Variants in UBE3D observed in about 807,000 individuals in gnomAD.
UBE3D encodes E3 ubiquitin-protein ligase E3D.
UBE3D carries 48 observed loss-of-function variants against 49.6 expected under a neutral mutation model. The observed-to-expected ratio is 0.97, with a 90% CI of 0.77 to 1.23. The LOEUF (loss-of-function observed/expected upper bound fraction) is 1.23, where lower values mean the gene tolerates loss of function less well. UBE3D is among the 50% of genes most tolerant of loss of function. UBE3D has a pLI of 0.00. For missense variants in UBE3D, 452 were observed against 468.4 expected (o/e 0.96, Z 0.32); for synonymous variants, 189 against 174.2 (o/e 1.08, Z -0.67).
At chr6:82,890,587 T>A (rs191311821), downstream of UBE3D, among the ~76,000 whole-genome samples, 34 of 152,322 alleles carry the variant, frequency 2.2e-4, no homozygotes, top group Admixed American at 1.8e-3. Flanking sequence ...GTGTGTTGCA[T>A]GACCTCCTCT....
At chr6:83,030,146 C>T (rs1391691876) in intron 5 of UBE3D, among the ~76,000 whole-genome samples, 1 of 152,138 alleles carries the variant, frequency 6.6e-6, no homozygotes, top group Non-Finnish European at 1.5e-5. Context: ...GCCCTTCTAT[C>T]ACCCTTTGTG....
chr6:82,970,622 G>A (rs1331520303), intron 8 of UBE3D, among the ~76,000 whole-genome samples: 1 of 152,040 alleles, frequency 6.6e-6, no homozygotes, highest in Non-Finnish European at 1.5e-5. Context: ...GGCAGATCAC[G>A]AGGTCAGGAG....
Position 82,914,072 on chromosome 6 carries a change from G to A in UBE3D, c.1150-21030C>T, listed in dbSNP as rs190149880. ...TACATGACTTGCTGAAGGCAATCCA[G>A]CTACTAGCTGCAGAGCTAAAACCAG... is the stretch of plus-strand genomic sequence containing the variant. On this transcript the variant is annotated intron_variant, in intron 9 of 9. Coordinates refer to ENST00000369747, the MANE Select transcript of UBE3D (RefSeq NM_198920.3). 1.8e-3 allele frequency among the ~76,000 whole-genome samples: 272 copies of A among 152,328 alleles called. 2 individuals are homozygous for A. The highest frequency in any genetic ancestry group is 6.8e-3 in the Middle Eastern group (2 of 294).
chr6:83,031,545 A>G lies in UBE3D; in HGVS notation c.667+6871T>C, dbSNP rs1351922445. On this transcript the variant is annotated intron_variant, in intron 5 of 9. Coordinates refer to ENST00000369747, the MANE Select transcript of UBE3D (RefSeq NM_198920.3). ...GTGAGACATGAAGTCAAAGGAGATC[A>G]TTTTGGAGCTTTAAGATTTGACTGC... Among the ~76,000 whole-genome samples, 24 of 152,176 alleles carry G rather than the reference A, an allele frequency of 1.6e-4. 1 individual carries two copies. The highest frequency in any genetic ancestry group is 3.5e-4 in the Non-Finnish European group (24 of 68,010).
At chr6:82,950,204 G>C (rs995703083) in intron 9 of UBE3D, among the ~76,000 whole-genome samples, 1 of 152,130 alleles carries the variant, frequency 6.6e-6, no homozygotes, top group East Asian at 1.9e-4. Flanking sequence ...ATGGGCAAAA[G>C]ATATGAGTAG....
intron 9 of UBE3D, among the ~76,000 whole-genome samples, chr6:82,894,280 C>A (rs1447438831): frequency 2.0e-5 from 3 of 152,096 alleles, no homozygotes; most frequent in Non-Finnish European, 4.4e-5. Flanking sequence ...AACCACCTGA[C>A]TTTCTTATCA....
chr6:82,934,697 G>GA, intron 9 of UBE3D, among the ~76,000 whole-genome samples: 1 of 150,904 alleles, frequency 6.6e-6, no homozygotes, highest in South Asian at 2.1e-4. Flanking sequence ...AGCACTTTCA[G>GA]AAAAAAATAA....
At chr6:83,036,919 A>G (rs182941483) in intron 5 of UBE3D, 2 of 152,196 alleles carry the variant, frequency 1.3e-5, no homozygotes, top group East Asian at 3.9e-4. Context: ...TTTGTTGAAC[A>G]ACGACATAAC....
chr6:82,997,668 G>A (rs991989185), intron 8 of UBE3D, among the ~76,000 whole-genome samples: 2 of 152,176 alleles, frequency 1.3e-5, no homozygotes, highest in Admixed American at 6.6e-5. Context: ...GCAGTGAGCC[G>A]AGATGGTGCC....
At chr6:83,025,884 A>AG in intron 5 of UBE3D, among the ~76,000 whole-genome samples, 2 of 14,802 alleles carry the variant, frequency 1.4e-4, no homozygotes, top group Non-Finnish European at 3.3e-4. Flanking sequence ...CTCCATCTTA[A>AG]AAAAAAAAAA....
At chr6:83,059,542 CTG>C (rs1377863223) in intron 1 of UBE3D, among the ~76,000 whole-genome samples, 1 of 152,250 alleles carries the variant, frequency 6.6e-6, no homozygotes, top group Non-Finnish European at 1.5e-5. Flanking sequence ...TCAAACTAGA[CTG>C]TGTAGAGTTG....
At chr6:82,902,610 G>A (rs1204555453) in intron 9 of UBE3D, among the ~76,000 whole-genome samples, 1 of 152,192 alleles carries the variant, frequency 6.6e-6, no homozygotes, top group Non-Finnish European at 1.5e-5. Flanking sequence ...CAGGGGTTAA[G>A]GATGTTGGAG....
chr6:82,940,880 T>C (rs1307232522), intron 9 of UBE3D, among the ~76,000 whole-genome samples: 1 of 152,208 alleles, frequency 6.6e-6, no homozygotes, highest in Non-Finnish European at 1.5e-5. Context: ...TATATTTGTG[T>C]GTGCGTGTAT....
At chr6:82,955,209 T>C (rs1776078557) in intron 9 of UBE3D, among the ~76,000 whole-genome samples, 1 of 152,056 alleles carries the variant, frequency 6.6e-6, no homozygotes, top group Non-Finnish European at 1.5e-5. Context: ...AGGGAAGAAA[T>C]ATAGATTGGT....
intron 8 of UBE3D, among the ~76,000 whole-genome samples, chr6:82,985,529 A>G (rs1031933217): frequency 1.3e-5 from 2 of 151,950 alleles, no homozygotes; most frequent in African/African-American, 4.8e-5. Flanking sequence ...TACCTGGCTA[A>G]TTTTATGTAA....
At chr6:82,941,884 A>G (rs1329217941) in intron 9 of UBE3D, among the ~76,000 whole-genome samples, 1 of 152,188 alleles carries the variant, frequency 6.6e-6, no homozygotes, top group Non-Finnish European at 1.5e-5. Context: ...AGTTAATTAA[A>G]TCTCTTTATA....
intron 4 of UBE3D, among the ~76,000 whole-genome samples, chr6:83,043,723 G>A (rs1244768294): frequency 6.6e-6 from 1 of 152,192 alleles, no homozygotes; most frequent in East Asian, 1.9e-4. Context: ...CTCTGGGAAT[G>A]ATTTTACTTT....
rs759881450 is a variant in UBE3D at position 83,038,426 on chromosome 6, G to A, written c.657C>T (p.Thr219=). 2.1e-5 allele frequency: 34 copies of A among 1,610,832 alleles called. No individual in the cohort carries two copies. In the Admixed American group the frequency reaches 2.9e-4, roughly 14 times the overall value. ...TTATGAAATTCTTACCTGATGACAC[G>A]GTCTCTCCCAACATTACCTTGCAAC... is the stretch of plus-strand genomic sequence containing the variant. The part of the protein sequence containing the change: ...CKRCKVMLGE[T]VSSETTKFYM... The change falls in exon 5 of 10, where the codon ACC becomes ACT. Residue 219 remains threonine (T), a synonymous_variant. Coordinates refer to ENST00000369747, the MANE Select transcript of UBE3D (RefSeq NM_198920.3).
intron 8 of UBE3D, among the ~76,000 whole-genome samples, chr6:82,999,870 C>A (rs1389499136): frequency 6.6e-6 from 1 of 152,162 alleles, no homozygotes; most frequent in Non-Finnish European, 1.5e-5. Flanking sequence ...GCTCTCATCC[C>A]AGGCACCCAA....
Sources: gnomAD v4.1 joint callset for allele counts (sites outside exome capture counted in the v4.1 genomes callset) on GRCh38, gnomAD v4.1.1 for gene constraint, MANE v1.5 for transcripts, NCBI Gene and HGNC (gene_info 2026-07-23, HGNC 2026-07-21) for gene names.